GRAMD1B: variants seen among roughly 807,000 people sequenced by gnomAD.
GRAMD1B encodes GRAM domain containing 1B, also known as protein Aster-B.
Under a neutral mutation model 99.7 loss-of-function variants are expected in GRAMD1B, and 37 were observed. The observed-to-expected ratio is 0.37, with a 90% CI of 0.29 to 0.49. GRAMD1B has a LOEUF of 0.49. GRAMD1B is among the 20% of genes least tolerant of loss of function. GRAMD1B has a pLI of 0.98. For synonymous variants in GRAMD1B, 427 were observed against 387.6 expected (o/e 1.10, Z -1.19); for missense variants, 888 against 1,009.2 (o/e 0.88, Z 1.63).
chr11:123,469,745 CT>C lies in GRAMD1B; in HGVS notation c.375-11068del, dbSNP rs1372552943. 1.2e-3 allele frequency among the ~76,000 whole-genome samples: 170 copies of C among 142,164 alleles called. 1 individual carries two copies. Among genetic ancestry groups the C allele is most frequent in the Non-Finnish European group, 2.0e-3 (128 of 65,502 alleles). The allele number at this position is 142,164 out of a possible 152,430, so 93.3% of individuals were successfully genotyped here. A position where few individuals can be genotyped will look rare whatever the true frequency, so the allele number is the denominator to read the frequency against. On this transcript the variant is annotated intron_variant, in intron 1 of 19. Transcript: ENST00000635736. ...TTTCTTTTTTTCTTTCTTTCTCTTT[CT>C]TTCTTTCTTTCCTTCTTTCTTTCTC... is the stretch of plus-strand genomic sequence containing the variant.
intron 2 of GRAMD1B, among the ~76,000 whole-genome samples, chr11:123,498,651 T>A (rs1242541034): frequency 6.6e-6 from 1 of 152,210 alleles, no homozygotes; most frequent in Non-Finnish European, 1.5e-5. Context: ...TATTCCTCCA[T>A]GGCCATGGGT....
intron 2 of GRAMD1B, 124 bp downstream of exon 2, chr11:123,481,017 G>T (rs373219615): frequency 7.6e-6 from 3 of 396,154 alleles, no homozygotes; most frequent in Non-Finnish European, 1.3e-5. Context: ...GAATGGGAGC[G>T]CCTGAGACCT....
At chr11:123,618,241 C>A in intron 17 of GRAMD1B, 1 of 910,012 alleles carries the variant, frequency 1.1e-6, no homozygotes, top group Admixed American at 1.8e-5. Context: ...CTCATATACT[C>A]TCACTCACTC....
chr11:123,446,912 G>GAAAGA (rs1295615278), intron 1 of GRAMD1B, among the ~76,000 whole-genome samples: 1 of 151,090 alleles, frequency 6.6e-6, no homozygotes, highest in Non-Finnish European at 1.5e-5. Context: ...TCGGAAGAAA[G>GAAAGA]AAAGAAAAGA....
At chr11:123,367,648 T>C (rs1946364975) in intron 1 of GRAMD1B, among the ~76,000 whole-genome samples, 1 of 151,926 alleles carries the variant, frequency 6.6e-6, no homozygotes, top group Non-Finnish European at 1.5e-5. Context: ...CTTGTGAAGG[T>C]CCAGTTATGC....
Position 123,610,083 on chromosome 11 carries a change from T to G in GRAMD1B, c.1777-113T>G. ...TTGCTGCTGATTCCAGTGATCCTGGTTCTCCTGTTCAGAAGCCGTGGGGTG... is the reference window on the plus strand; with the variant it reads ...TTGCTGCTGATTCCAGTGATCCTGGGTCTCCTGTTCAGAAGCCGTGGGGTG... On this transcript the variant is annotated intron_variant, in intron 13 of 19. Transcript: ENST00000635736. The surrounding 1 kb of genome is among the most constrained non-coding windows in gnomAD (Gnocchi z 4.1). The G allele has an allele frequency of 1.0e-6, 1 of 995,050 alleles. No homozygotes were observed. Among genetic ancestry groups the G allele is most frequent in the South Asian group, 1.5e-5 (1 of 66,832 alleles). The allele number at this position is 995,050 out of a possible 1,614,324, so 61.6% of individuals were successfully genotyped here.
intron 1 of GRAMD1B, among the ~76,000 whole-genome samples, chr11:123,402,404 TC>T (rs890197250): frequency 5.9e-5 from 9 of 152,194 alleles, no homozygotes; most frequent in African/African-American, 2.2e-4. Context: ...ACAAAGGTCG[TC>T]ATCATCATTG....
In GRAMD1B at chr11:123,613,436, G is replaced by A. The variant is rs1448572503; in HGVS notation, c.2024-19G>A. ...AGGGCTGAAGGTGGCCTCTCCTGTG[G>A]TCCTTTTGTCTCTGATAGAGAGCGA... On this transcript the variant is annotated intron_variant, in intron 15 of 19. Coordinates refer to ENST00000635736, the MANE Select transcript of GRAMD1B (RefSeq NM_001387025.1). 3.2e-6 allele frequency: 5 copies of A among 1,583,044 alleles called. No homozygotes were observed. The highest frequency in any genetic ancestry group is 3.5e-5 in the Admixed American group (2 of 57,814).
chr11:123,496,591 C>G (rs1369243503), intron 2 of GRAMD1B, among the ~76,000 whole-genome samples: 1 of 150,806 alleles, frequency 6.6e-6, no homozygotes, highest in Non-Finnish European at 1.5e-5. Flanking sequence ...TTAGATTTAC[C>G]CTTTTGAGGC....
chr11:123,450,809 G>A (rs1379997522), intron 1 of GRAMD1B, among the ~76,000 whole-genome samples: 7 of 152,158 alleles, frequency 4.6e-5, no homozygotes, highest in Admixed American at 4.6e-4. Context: ...GGATTAAGCT[G>A]GGTCTCTCTG....
chr11:123,406,295 C>G (rs1336434691), intron 1 of GRAMD1B, among the ~76,000 whole-genome samples: 2 of 151,454 alleles, frequency 1.3e-5, no homozygotes, highest in East Asian at 3.9e-4. Flanking sequence ...ACTCTGTCAC[C>G]CAGGCTGGAG....
At chr11:123,567,913 T>G (rs1244666258) in intron 2 of GRAMD1B, among the ~76,000 whole-genome samples, 1 of 152,236 alleles carries the variant, frequency 6.6e-6, no homozygotes, top group Non-Finnish European at 1.5e-5. Context: ...AACTTTGCCC[T>G]TATGTTAATT....
At chr11:123,533,619 A>G (rs762620613) in intron 2 of GRAMD1B, among the ~76,000 whole-genome samples, 6 of 151,738 alleles carry the variant, frequency 4.0e-5, no homozygotes, top group Non-Finnish European at 8.8e-5. Flanking sequence ...TAGAGACAAG[A>G]TTTCACCATG....
At chr11:123,380,230 G>T (rs185876434) in intron 1 of GRAMD1B, among the ~76,000 whole-genome samples, 1 of 152,282 alleles carries the variant, frequency 6.6e-6, no homozygotes, top group African/African-American at 2.4e-5. Flanking sequence ...TGGTGTCATA[G>T]CTAAGAAACC....
chr11:123,592,706 G>A (rs900720355), intron 4 of GRAMD1B, among the ~76,000 whole-genome samples: 17 of 151,984 alleles, frequency 1.1e-4, no homozygotes, highest in Non-Finnish European at 1.8e-4. Flanking sequence ...TGTTGTTGTC[G>A]TTTTGTTTTG....
intron 4 of GRAMD1B, among the ~76,000 whole-genome samples, chr11:123,593,670 G>A (rs905585855): frequency 1.3e-5 from 2 of 152,150 alleles, no homozygotes; most frequent in Non-Finnish European, 2.9e-5. Context: ...GAGGTGCTCT[G>A]GGCAACATCA....
chr11:123,370,738 A>C (rs535944651), intron 1 of GRAMD1B, among the ~76,000 whole-genome samples: 3 of 152,288 alleles, frequency 2.0e-5, no homozygotes, highest in East Asian at 3.9e-4. Flanking sequence ...GTTCAGAAAG[A>C]ATGGAAACGT....
chr11:123,440,440 C>G (rs138354475), intron 1 of GRAMD1B, among the ~76,000 whole-genome samples: 1 of 152,090 alleles, frequency 6.6e-6, no homozygotes. Flanking sequence ...AACCGGGAAA[C>G]AGTGGTTGCA....
chr11:123,602,602 C>T (rs1467190096), intron 8 of GRAMD1B, among the ~76,000 whole-genome samples: 1 of 152,086 alleles, frequency 6.6e-6, no homozygotes, highest in African/African-American at 2.4e-5. Flanking sequence ...CACCTTCTCC[C>T]CTTCCTCCCA....
Sources: gnomAD v4.1 joint callset for allele counts (sites outside exome capture counted in the v4.1 genomes callset) on GRCh38, gnomAD v4.1.1 for gene constraint, Gnocchi (gnomAD v3.1) non-coding constraint, MANE v1.5 for transcripts, NCBI Gene and HGNC (gene_info 2026-07-23, HGNC 2026-07-21) for gene names.